Variants in USP42 observed in about 807,000 individuals in gnomAD.
The protein encoded by USP42 is ubiquitin specific peptidase 42.
A neutral mutation model predicts 113.0 loss-of-function variants in USP42; 23 were observed. That is an observed-to-expected ratio of 0.20 (90% CI 0.15 to 0.29). USP42 has a LOEUF of 0.29. Ranked by LOEUF, USP42 falls within the 10% of genes least tolerant of loss-of-function variation. USP42 has a pLI of 1.00. For synonymous variants in USP42, 933 were observed against 699.0 expected (o/e 1.33, Z -5.28); for missense variants, 2,174 against 1,779.8 (o/e 1.22, Z -3.99).
the USP42 span, among the ~76,000 whole-genome samples, chr7:6,091,680 T>TATACACACACACAC: frequency 7.3e-6 from 1 of 136,078 alleles, no homozygotes; most frequent in African/African-American, 2.9e-5. Context: ...TATGTTAGCA[T>TATACACACACACAC]ACACACACAC....
intron 3 of USP42, among the ~76,000 whole-genome samples, chr7:6,129,139 A>G (rs757436984): frequency 1.1e-4 from 16 of 152,184 alleles, no homozygotes; most frequent in Non-Finnish European, 1.8e-4. Context: ...TTTAGGGACC[A>G]CATTTACACA....
chr7:6,087,180 TGCCATCAC>T, the USP42 span, among the ~76,000 whole-genome samples: 2 of 149,562 alleles, frequency 1.3e-5, no homozygotes, highest in Non-Finnish European at 2.9e-5. Flanking sequence ...AACAGGGGTG[TGCCATCAC>T]GCCCAGCTAA....
rs566785010 is a variant in USP42 at position 6,126,662 on chromosome 7, G to A, written c.443-9179G>A. Among the ~76,000 whole-genome samples the A allele has an allele frequency of 2.0e-5, 3 of 152,268 alleles. No individual in the cohort carries two copies. In the South Asian group the frequency reaches 6.2e-4, roughly 32 times the overall value. ...TTCTAGTTTTGGGATATCGTGAGTG[G>A]AGCTGCGGTAAACACATCTAGGTTG... On this transcript the variant is annotated intron_variant, in intron 3 of 17. Coordinates refer to ENST00000306177, the MANE Select transcript of USP42 (RefSeq NM_032172.3).
chr7:6,103,068 A>C (rs1188956800), upstream of USP42, among the ~76,000 whole-genome samples: 2 of 151,046 alleles, frequency 1.3e-5, no homozygotes, highest in East Asian at 3.9e-4. Context: ...TGGTGAGCAC[A>C]GAATACCAGG....
chr7:6,118,200 C>A (rs1245985700), intron 3 of USP42, among the ~76,000 whole-genome samples: 1 of 151,818 alleles, frequency 6.6e-6, no homozygotes, highest in African/African-American at 2.4e-5. Flanking sequence ...TCAAGACTAG[C>A]CTGGGCAACG....
intron 8 of USP42, among the ~76,000 whole-genome samples, chr7:6,143,447 G>A (rs1422047759): frequency 6.6e-6 from 1 of 152,126 alleles, no homozygotes; most frequent in East Asian, 1.9e-4. Flanking sequence ...CAGGGTTTGG[G>A]ATAGCATTTG....
intron 2 of USP42, among the ~76,000 whole-genome samples, chr7:6,113,647 A>G (rs1013815470): frequency 1.3e-5 from 2 of 151,670 alleles, no homozygotes; most frequent in Non-Finnish European, 2.9e-5. Flanking sequence ...TTTGAGACGA[A>G]GTCTCTCTCT....
rs551260088 is a variant in USP42, at chr7:6,105,612, T to C, written c.-10+580T>C. Among the ~76,000 whole-genome samples, 5 of 152,212 alleles carry C rather than the reference T, an allele frequency of 3.3e-5. 1 individual carries two copies. The South Asian group carries it at 1.0e-3, about 32-fold the overall frequency. On this transcript the variant is annotated intron_variant, in intron 1 of 17. Coordinates refer to ENST00000306177, the MANE Select transcript of USP42 (RefSeq NM_032172.3). ...CCCTCCCCAGGCCTAGCCACCTGGC[T>C]GCTCCGTGGAGAGTCCGAGGTGCCC...
chr7:6,157,420 G>A lies in USP42; in HGVS notation c.3943+365G>A, dbSNP rs1482846755. ...TTTTATTTATTTTATTTTTTGAGAC[G>A]GAGTCTTGCTCTATTGCCCAGGCTG... On this transcript the variant is annotated intron_variant, in intron 16 of 17. Coordinates refer to ENST00000306177, the MANE Select transcript of USP42 (RefSeq NM_032172.3). The surrounding 1 kb of genome is among the most constrained non-coding windows in gnomAD (Gnocchi z 4.1). 7 of 970,106 alleles carry A rather than the reference G, an allele frequency of 7.2e-6. No homozygotes were observed. Among genetic ancestry groups the A allele is most frequent in the Middle Eastern group, 5.2e-4 (1 of 1,912 alleles). The allele number at this position is 970,106 out of a possible 1,614,324, so 60.1% of individuals were successfully genotyped here. A position where few individuals can be genotyped will look rare whatever the true frequency, so the allele number is the denominator to read the frequency against.
rs1363125849 is a variant in USP42 at position 6,161,532 on chromosome 7, AT to A, written c.*1017del. ...CCACTGTAAATATACAGCATGTAAA[AT>A]TTCTATAGTATATAAATGGCAGCAA... On this transcript the variant is annotated 3_prime_UTR_variant, in exon 18 of 18. Transcript: ENST00000306177. 2 of 152,614 alleles carry A rather than the reference AT, an allele frequency of 1.3e-5. No individual in the cohort carries two copies. Among genetic ancestry groups the A allele is most frequent in the African/African-American group, 2.4e-5 (1 of 41,422 alleles). 9.5% of individuals were successfully genotyped at this position (152,614 alleles called of 1,614,324 possible).
At chr7:6,087,844 T>C in the USP42 span, among the ~76,000 whole-genome samples, 1 of 151,300 alleles carries the variant, frequency 6.6e-6, no homozygotes, top group Non-Finnish European at 1.5e-5. Flanking sequence ...TGATACTAAT[T>C]ATAAGACAGT....
chr7:6,097,095 G>A, the USP42 span, among the ~76,000 whole-genome samples: 3 of 150,716 alleles, frequency 2.0e-5, no homozygotes, highest in South Asian at 4.2e-4. Flanking sequence ...TAGTAGAGAC[G>A]GGCTGCTATC....
chr7:6,128,472 T>G (rs1243157753), intron 3 of USP42, among the ~76,000 whole-genome samples: 1 of 152,162 alleles, frequency 6.6e-6, no homozygotes, highest in Non-Finnish European at 1.5e-5. Context: ...GCATGACATA[T>G]CTTTTTTATC....
At chr7:6,152,451 T>C (rs748384636) in intron 14 of USP42, among the ~76,000 whole-genome samples, 3 of 152,228 alleles carry the variant, frequency 2.0e-5, no homozygotes, top group African/African-American at 7.2e-5. Context: ...GTGGGGGTGC[T>C]GTTCATGCTG....
intron 4 of USP42, among the ~76,000 whole-genome samples, chr7:6,138,621 C>A (rs531825302): frequency 3.9e-5 from 6 of 152,282 alleles, no homozygotes; most frequent in African/African-American, 1.2e-4. Flanking sequence ...AGACTGGTAC[C>A]CAATGTGGCC....
chr7:6,100,714 G>A (rs1490903748), upstream of USP42, among the ~76,000 whole-genome samples: 3 of 141,102 alleles, frequency 2.1e-5, no homozygotes, highest in African/African-American at 5.6e-5. Context: ...CGGGAGTCTC[G>A]CTCTGTTGCC....
chr7:6,147,949 A>G (rs913854661), intron 12 of USP42, 57 bp downstream of exon 12: 32 of 1,520,400 alleles, frequency 2.1e-5, no homozygotes, highest in South Asian at 4.9e-5. Context: ...TGTAACTTCA[A>G]ACTCTCAAGT....
chr7:6,149,592 C>T lies in USP42; in HGVS notation c.1396C>T (p.His466Tyr). The T allele has an allele frequency of 6.2e-7, 1 of 1,612,250 alleles. No individual in the cohort carries two copies. Among genetic ancestry groups the T allele is most frequent in the Non-Finnish European group, 8.5e-7 (1 of 1,178,670 alleles). ...LPSHMIKNPP[H>Y]LNGTGPLKDT... is the part of the protein sequence containing the mutation. ...CTCTGCTTACTTCCAGAATCCACCT[C>T]ACTTAAATGGGACTGGACCATTGAA... The change falls in exon 13 of 18, where the codon CAC (histidine) becomes TAC (tyrosine). Residue 466 changes from histidine (H) to tyrosine (Y), a missense_variant. Physicochemically the swap from His to Tyr is moderately conservative, Grantham distance 83. Coordinates refer to ENST00000306177, the MANE Select transcript of USP42 (RefSeq NM_032172.3).
intron 10 of USP42, 146 bp downstream of exon 10, chr7:6,145,802 G>T: frequency 1.0e-6 from 1 of 973,046 alleles, no homozygotes; most frequent in Non-Finnish European, 1.5e-6. Context: ...GGGCGCAGTG[G>T]CTTACTCCTG....
Sources: gnomAD v4.1 joint callset for allele counts (sites outside exome capture counted in the v4.1 genomes callset) on GRCh38, gnomAD v4.1.1 for gene constraint, Gnocchi (gnomAD v3.1) non-coding constraint, MANE v1.5 for transcripts, NCBI Gene and HGNC (gene_info 2026-07-23, HGNC 2026-07-21) for gene names.